Variants in LARP1 observed in about 807,000 individuals in gnomAD.
The protein encoded by LARP1 is la-related protein 1.
In LARP1, 36 loss-of-function variants were observed where a neutral mutation model predicts 122.7. The observed-to-expected ratio is 0.29, with a 90% CI of 0.22 to 0.39. The LOEUF (loss-of-function observed/expected upper bound fraction) is 0.39, where lower values mean the gene tolerates loss of function less well. LARP1 is among the 10% of genes least tolerant of loss of function. LARP1 has a pLI of 1.00. For missense variants in LARP1, 1,040 were observed against 1,403.6 expected, an observed-to-expected ratio of 0.74 and a Z score of 4.14; for synonymous variants, 539 against 528.7, an observed-to-expected ratio of 1.02 and a Z score of -0.27.
At chr5:154,795,921 TTTATATTTATATA>T (rs1435222463) in intron 8 of LARP1, among the ~76,000 whole-genome samples, 2 of 106,354 alleles carry the variant, frequency 1.9e-5, no homozygotes, top group Non-Finnish European at 3.7e-5. Flanking sequence ...TTATTATATA[TTTATATTTATATA>T]TTATATATTT....
chr5:154,754,395 A>C (rs1424977036), upstream of LARP1, among the ~76,000 whole-genome samples: 1 of 152,192 alleles, frequency 6.6e-6, no homozygotes, highest in African/African-American at 2.4e-5. Context: ...ACAATAGAGA[A>C]ACTGAGGCCC....
intron 1 of LARP1, among the ~76,000 whole-genome samples, chr5:154,696,055 A>G (rs1754458494): frequency 6.6e-6 from 1 of 152,038 alleles, no homozygotes; most frequent in South Asian, 2.1e-4. Flanking sequence ...CATAATAAAT[A>G]TTCAACAAAT....
At chr5:154,767,818 C>T (rs1239794475) in intron 1 of LARP1, among the ~76,000 whole-genome samples, 1 of 151,954 alleles carries the variant, frequency 6.6e-6, no homozygotes, top group Non-Finnish European at 1.5e-5. Context: ...AGTTTTGGAG[C>T]CCAGTGTAGG....
intron 1 of LARP1, among the ~76,000 whole-genome samples, chr5:154,690,768 G>A (rs1754158607): frequency 6.6e-6 from 1 of 152,226 alleles, no homozygotes; most frequent in Admixed American, 6.5e-5. Flanking sequence ...ACCCGGGCGG[G>A]GGGGCTGTGC....
chr5:154,716,031 G>T (rs981037021), intron 1 of LARP1, among the ~76,000 whole-genome samples: 37 of 152,110 alleles, frequency 2.4e-4, no homozygotes, highest in African/African-American at 8.7e-4. Context: ...TGGAGCCTGG[G>T]GCCCTTACCC....
intron 10 of LARP1, among the ~76,000 whole-genome samples, chr5:154,801,740 C>T (rs972901151): frequency 2.0e-5 from 3 of 152,180 alleles, no homozygotes; most frequent in African/African-American, 4.8e-5. Flanking sequence ...GAGCACAGTT[C>T]CTGCCTATAG....
At position 154,802,186 on chromosome 5, in the gene LARP1, C is replaced by G; in HGVS notation, c.1896C>G (p.Asp632Glu). The change falls in exon 11 of 19, where the codon GAC becomes GAG. Residue 632 changes from aspartate (D) to glutamate (E), a missense_variant. Physicochemically the swap from Asp to Glu is conservative, Grantham distance 45 (BLOSUM62 2). Coordinates refer to ENST00000518297, the MANE Select transcript of LARP1 (RefSeq NM_033551.3). This position sits in a 1 kb window ranked among gnomAD's most constrained non-coding sequence, Gnocchi z 5.1. ...TFTAWSDEES[D>E]YEIDDRDVNK... The stretch of plus-strand genomic sequence containing the variant: ...CTGCCTGGTCTGATGAGGAATCTGA[C>G]TATGAGATTGATGACAGGGATGTCA... 6.2e-7 allele frequency: 1 copy of G among 1,614,186 alleles called. No homozygotes were observed. Among genetic ancestry groups the G allele is most frequent in the South Asian group, 1.1e-5 (1 of 91,082 alleles).
chr5:154,742,012 C>T (rs890707210), intron 1 of LARP1, among the ~76,000 whole-genome samples: 1 of 152,100 alleles, frequency 6.6e-6, no homozygotes, highest in Non-Finnish European at 1.5e-5. Flanking sequence ...TTCTAATGAA[C>T]CTAGAGATAT....
At chr5:154,766,883 C>T (rs982155791) in intron 1 of LARP1, among the ~76,000 whole-genome samples, 12 of 152,186 alleles carry the variant, frequency 7.9e-5, no homozygotes, top group Non-Finnish European at 1.5e-4. Context: ...GTTTTCCCTT[C>T]CTCCTTTCAG....
chr5:154,722,936 C>T lies in LARP1; in HGVS notation c.205+9806C>T, dbSNP rs146707467. On this transcript the variant is annotated intron_variant, in intron 1 of 18. Transcript: ENST00000336314. Reference sequence around the variant, plus strand: ...CCTCAGGTGATCCACCCACCTCGGCCTCCCAGAGTGCTGGGATTACAGGCG... The same window carrying T: ...CCTCAGGTGATCCACCCACCTCGGCTTCCCAGAGTGCTGGGATTACAGGCG... 4.7e-4 allele frequency among the ~76,000 whole-genome samples: 71 copies of T among 152,306 alleles called. 1 individual carries two copies. In the East Asian group the frequency reaches 9.1e-3, roughly 19 times the overall value.
intron 1 of LARP1, among the ~76,000 whole-genome samples, chr5:154,763,342 G>A (rs1282762263): frequency 6.6e-6 from 1 of 151,968 alleles, no homozygotes; most frequent in Non-Finnish European, 1.5e-5. Context: ...GATTACAGAT[G>A]TTAGCCACCG....
chr5:154,792,574 C>T, intron 3 of LARP1, 48 bp from the exon 4 acceptor site: 3 of 1,564,328 alleles, frequency 1.9e-6, no homozygotes, highest in Non-Finnish European at 2.6e-6. Flanking sequence ...CCTCCTATAC[C>T]ATGAGGCACT....
At chr5:154,782,773 G>A (rs1756567092) in intron 1 of LARP1, among the ~76,000 whole-genome samples, 1 of 152,200 alleles carries the variant, frequency 6.6e-6, no homozygotes, top group African/African-American at 2.4e-5. Context: ...ATTTGGGTGG[G>A]AGGACTGGGC....
chr5:154,803,831 A>T lies in LARP1; in HGVS notation c.2439+86A>T, dbSNP rs915153752. ...TTGCTTCTCTCCCTTGCCTTGTCTGAGCTAAGGAAGTGCTAAATCCTTCAC... is the reference window on the plus strand; with the variant it reads ...TTGCTTCTCTCCCTTGCCTTGTCTGTGCTAAGGAAGTGCTAAATCCTTCAC... On this transcript the variant is annotated intron_variant, in intron 13 of 18. Transcript: ENST00000518297. The surrounding 1 kb of genome is among the most constrained non-coding windows in gnomAD (Gnocchi z 4.4). 3 of 1,348,988 alleles carry T rather than the reference A, an allele frequency of 2.2e-6. No homozygotes were observed. Among genetic ancestry groups the T allele is most frequent in the Non-Finnish European group, 3.1e-6 (3 of 957,144 alleles). The allele number at this position is 1,348,988 out of a possible 1,614,324, so 83.6% of individuals were successfully genotyped here.
rs527592111 is a variant in LARP1 at position 154,792,780 on chromosome 5, C to A, written c.723C>A (p.Gly241=). The change falls in exon 4 of 19, where the codon GGC becomes GGA. Residue 241 remains glycine, a synonymous_variant. Transcript: ENST00000518297. ...EKNGDEDCQR[G]GQKKKGNKHK... is the part of the protein sequence containing the mutation. ...ATGGAGATGAGGATTGCCAGCGAGG[C>A]GGGCAGAAGAAGAAAGGTGAGTGAC... 1 of 1,613,722 alleles carries A rather than the reference C, an allele frequency of 6.2e-7. No homozygotes were observed. Among genetic ancestry groups the A allele is most frequent in the African/African-American group, 1.3e-5 (1 of 74,870 alleles).
intron 1 of LARP1, among the ~76,000 whole-genome samples, chr5:154,734,885 T>G (rs1756788231): frequency 6.6e-6 from 1 of 152,230 alleles, no homozygotes; most frequent in Non-Finnish European, 1.5e-5. Context: ...ATGAATTTGC[T>G]GACTTTAGAT....
At chr5:154,805,760 C>T (rs1441047521) in intron 14 of LARP1, 121 bp from the exon 15 acceptor site, 37 of 1,062,566 alleles carry the variant, frequency 3.5e-5, no homozygotes, top group Non-Finnish European at 4.9e-5. Context: ...ACTGGGCCTC[C>T]TTGTTTGATA....
chr5:154,799,993 A>G lies in LARP1; in HGVS notation c.1667A>G (p.Asn556Ser). 1 of 1,614,198 alleles carries G rather than the reference A, an allele frequency of 6.2e-7. No individual in the cohort carries two copies. The highest frequency in any genetic ancestry group is 8.5e-7 in the Non-Finnish European group (1 of 1,180,030). The change falls in exon 10 of 19, where the codon AAC (asparagine) becomes AGC (serine). Residue 556 changes from asparagine (N) to serine (S), a missense_variant. Asn to Ser is a conservative substitution (Grantham distance 46). This residue lies in a region of LARP1 where 362 missense variants were observed against 533.1 expected (regional missense o/e 0.68). Transcript: ENST00000518297. ...SASLPDLDSE[N>S]WIEVKKRPRP... The stretch of plus-strand genomic sequence containing the variant: ...AGCCTGCCTGACCTGGATTCTGAGA[A>G]CTGGATTGAAGTGAAGAAGAGGCCT...
chr5:154,782,874 A>G (rs1488492932), intron 1 of LARP1, among the ~76,000 whole-genome samples: 2 of 152,260 alleles, frequency 1.3e-5, no homozygotes, highest in African/African-American at 2.4e-5. Context: ...CCATAGAAGA[A>G]TGTTCCTGCT....
Sources: gnomAD v4.1 joint callset for allele counts (sites outside exome capture counted in the v4.1 genomes callset) on GRCh38, gnomAD v4.1.1 for gene constraint, gnomAD v4.1.1 regional missense constraint, Gnocchi (gnomAD v3.1) non-coding constraint, MANE v1.5 for transcripts, NCBI Gene and HGNC (gene_info 2026-07-23, HGNC 2026-07-21) for gene names.